EPHX2: variants seen among roughly 807,000 people sequenced by gnomAD.
The protein encoded by EPHX2 is bifunctional epoxide hydrolase 2.
Under a neutral mutation model 78.7 loss-of-function variants are expected in EPHX2, and 74 were observed. The ratio of observed to expected loss-of-function variants is 0.94; its 90% CI spans 0.78 to 1.14. EPHX2 has a LOEUF of 1.14. Among genes scored for constraint, EPHX2 ranks in the 50% most tolerant of loss-of-function variants. The pLI is 0.00. For synonymous variants in EPHX2, 251 were observed against 255.2 expected (o/e 0.98, Z 0.16); for missense variants, 715 against 702.5 (o/e 1.02, Z -0.20).
chr8:27,491,652 C>T (rs1303894616), intron 1 of EPHX2, among the ~76,000 whole-genome samples: 1 of 152,154 alleles, frequency 6.6e-6, no homozygotes, highest in Non-Finnish European at 1.5e-5. Context: ...AGAAAGTTCT[C>T]TCCCCAGGTG....
chr8:27,511,770 T>C, intron 5 of EPHX2, 66 bp from the exon 6 acceptor site: 8 of 1,531,174 alleles, frequency 5.2e-6, no homozygotes, highest in Non-Finnish European at 7.2e-6. Flanking sequence ...GGCACCAGTA[T>C]TCAGGAGAGC....
chr8:27,536,946 A>G, intron 13 of EPHX2, 91 bp downstream of exon 13: 3 of 1,351,272 alleles, frequency 2.2e-6, no homozygotes, highest in South Asian at 1.3e-5. Context: ...AGGAGTAGCA[A>G]TCTGGCCTCC....
intron 12 of EPHX2, among the ~76,000 whole-genome samples, chr8:27,535,377 A>G (rs569902359): frequency 3.5e-4 from 53 of 151,948 alleles, no homozygotes; most frequent in Non-Finnish European, 6.0e-4. Flanking sequence ...GTTTTACCAT[A>G]TTGGCCAGGC....
chr8:27,495,250 T>A (rs549396187), intron 1 of EPHX2, among the ~76,000 whole-genome samples: 111 of 152,374 alleles, frequency 7.3e-4, no homozygotes, highest in African/African-American at 2.0e-3. Context: ...TATTTTTTTT[T>A]CTTTCCCAGT....
intron 5 of EPHX2, among the ~76,000 whole-genome samples, chr8:27,508,260 G>T (rs901141387): frequency 6.6e-6 from 1 of 152,170 alleles, no homozygotes; most frequent in African/African-American, 2.4e-5. Context: ...TCAAGATCGT[G>T]CTACTGCATT....
chr8:27,517,076 C>T (rs1814484061), intron 8 of EPHX2, among the ~76,000 whole-genome samples: 1 of 152,044 alleles, frequency 6.6e-6, no homozygotes, highest in South Asian at 2.1e-4. Context: ...TGTGCCACCA[C>T]ACCTGGCTAA....
At chr8:27,522,021 G>T (rs1366251816) in intron 10 of EPHX2, among the ~76,000 whole-genome samples, 1 of 152,184 alleles carries the variant, frequency 6.6e-6, no homozygotes, top group Non-Finnish European at 1.5e-5. Flanking sequence ...GGTTGTTTAA[G>T]GGAGGAGAGC....
chr8:27,548,119 A>G (rs972801631), downstream of EPHX2, among the ~76,000 whole-genome samples: 1 of 152,186 alleles, frequency 6.6e-6, no homozygotes, highest in Non-Finnish European at 1.5e-5. Flanking sequence ...GTGGCTGTCA[A>G]TTAGCAACAT....
chr8:27,541,292 G>T (rs1223833139), intron 15 of EPHX2, among the ~76,000 whole-genome samples, 181 bp from the exon 16 acceptor site: 1 of 152,232 alleles, frequency 6.6e-6, no homozygotes, highest in Non-Finnish European at 1.5e-5. Context: ...AGGCCTTGCT[G>T]CTAGAGCTTG....
At chr8:27,539,992 C>G (rs1815343853) in intron 14 of EPHX2, among the ~76,000 whole-genome samples, 1 of 152,288 alleles carries the variant, frequency 6.6e-6, no homozygotes, top group African/African-American at 2.4e-5. Context: ...ACAGGCCATC[C>G]TCTGGAGGGA....
Position 27,520,584 on chromosome 8 carries a change from T to C in EPHX2, c.946-299T>C, listed in dbSNP as rs186481870. 5.0e-3 allele frequency among the ~76,000 whole-genome samples: 760 copies of C among 152,102 alleles called. 3 individuals carry two copies. The highest frequency in any genetic ancestry group is 7.5e-3 in the Non-Finnish European group (509 of 67,972). On this transcript the variant is annotated intron_variant, in intron 9 of 18. Coordinates refer to ENST00000521400, the MANE Select transcript of EPHX2 (RefSeq NM_001979.6). ...ATGATCTTGATCTCTTGACCTCATGTTCTGCCCGCCTCGGCCTCCCAAAGT... is the reference window on the plus strand; with the variant it reads ...ATGATCTTGATCTCTTGACCTCATGCTCTGCCCGCCTCGGCCTCCCAAAGT...
chr8:27,511,985 A>C (rs1171074261), intron 6 of EPHX2, 75 bp downstream of exon 6: 1 of 1,439,756 alleles, frequency 6.9e-7, no homozygotes, highest in Non-Finnish European at 9.8e-7. Flanking sequence ...AGAGACACCC[A>C]AGAGGCTGAG....
At chr8:27,514,271 C>A (rs563975721) in intron 6 of EPHX2, among the ~76,000 whole-genome samples, 1 of 152,168 alleles carries the variant, frequency 6.6e-6, no homozygotes, top group South Asian at 2.1e-4. Flanking sequence ...CATGCCCCTG[C>A]CCTCCAGCCT....
intron 9 of EPHX2, among the ~76,000 whole-genome samples, chr8:27,518,592 T>TCAGGAG (rs1814541268): frequency 6.6e-6 from 1 of 152,092 alleles, no homozygotes; most frequent in Non-Finnish European, 1.5e-5. Flanking sequence ...TCCACGCAGC[T>TCAGGAG]CAGGAGCAAA....
intron 12 of EPHX2, among the ~76,000 whole-genome samples, chr8:27,535,655 C>A (rs564638711): frequency 6.6e-6 from 1 of 152,286 alleles, no homozygotes; most frequent in South Asian, 2.1e-4. Flanking sequence ...GCTACCCCCA[C>A]TAGGAGAGTA....
intron 17 of EPHX2, 102 bp downstream of exon 17, chr8:27,543,931 T>C: frequency 2.4e-6 from 3 of 1,273,390 alleles, no homozygotes; most frequent in Non-Finnish European, 3.4e-6. Flanking sequence ...GTCATGTGGA[T>C]AGGACCATGG....
intron 6 of EPHX2, 188 bp downstream of exon 6, chr8:27,512,098 A>AAT: frequency 1.2e-4 from 49 of 404,486 alleles, no homozygotes; most frequent in Middle Eastern, 6.5e-4. Context: ...ACCCTGTCTC[A>AAT]AGAAAAAAAA....
intron 16 of EPHX2, among the ~76,000 whole-genome samples, chr8:27,542,643 C>G (rs928511043): frequency 1.3e-5 from 2 of 152,124 alleles, no homozygotes; most frequent in South Asian, 4.1e-4. Context: ...AAACCCTCCT[C>G]TTCTGCAGTT....
At position 27,518,073 on chromosome 8, in the gene EPHX2, G is replaced by A. The variant is rs1036564154; in HGVS notation, c.945+1G>A. 3.8e-6 allele frequency: 6 copies of A among 1,598,536 alleles called. No homozygotes were observed. In the Admixed American group the frequency reaches 1.1e-4, roughly 29 times the overall value. Reference sequence around the variant, plus strand: ...ATATTGCATGGAAGTGTTATGTAAGGTAAGAAGAATCTTGGGTAACATCTT... The same window carrying A: ...ATATTGCATGGAAGTGTTATGTAAGATAAGAAGAATCTTGGGTAACATCTT... On this transcript the variant is annotated splice_donor_variant, in intron 9 of 18. Coordinates refer to ENST00000521400, the MANE Select transcript of EPHX2 (RefSeq NM_001979.6). LOFTEE classifies it high-confidence loss of function.
Sources: gnomAD v4.1 joint callset for allele counts (sites outside exome capture counted in the v4.1 genomes callset) on GRCh38, gnomAD v4.1.1 for gene constraint, MANE v1.5 for transcripts, NCBI Gene and HGNC (gene_info 2026-07-23, HGNC 2026-07-21) for gene names.